The following FAM133A variants were observed in gnomAD, a reference collection of about 807,000 sequenced individuals.
FAM133A encodes protein FAM133A.
For missense variants in FAM133A, 159 were observed against 164.4 expected, an observed-to-expected ratio of 0.97 and a Z score of 0.18; for synonymous variants, 65 against 58.6, an observed-to-expected ratio of 1.11 and a Z score of -0.50.
chrX:93,678,657 T>G (rs1291363495), intron 2 of FAM133A, among the ~76,000 whole-genome samples: 2 of 112,050 alleles, frequency 1.8e-5, no homozygotes, highest in East Asian at 5.6e-4. Flanking sequence ...AAGGTATGGA[T>G]TGAAGGTTTA....
chrX:93,681,075 T>A (rs1925110196), intron 2 of FAM133A, among the ~76,000 whole-genome samples: 1 of 111,357 alleles, frequency 9.0e-6, no homozygotes, highest in Non-Finnish European at 1.9e-5. Context: ...ATTTTTTGCC[T>A]GTAGTACTCA....
At chrX:93,686,366 T>C (rs1016454613) in intron 2 of FAM133A, among the ~76,000 whole-genome samples, 6 of 111,729 alleles carry the variant, frequency 5.4e-5, no homozygotes, top group Middle Eastern at 4.6e-3. Context: ...GCCTTGGGAA[T>C]TTACTAAATT....
At chrX:93,675,026 ATTAAAG>A (rs774651274) in intron 2 of FAM133A, among the ~76,000 whole-genome samples, 3 of 112,501 alleles carry the variant, frequency 2.7e-5, no homozygotes, top group African/African-American at 9.7e-5. Flanking sequence ...GAGGAAATGT[ATTAAAG>A]TTAGATTAAT....
At chrX:93,708,851 T>A (rs765752314) in intron 3 of FAM133A, among the ~76,000 whole-genome samples, 16 of 111,727 alleles carry the variant, frequency 1.4e-4, no homozygotes, top group African/African-American at 4.5e-4. Flanking sequence ...TTTAGTAATG[T>A]ATTGGATTTG....
At chrX:93,673,988 T>TACAA (rs1924490074), upstream of FAM133A, 4 of 38,732 alleles carry the variant, frequency 1.0e-4, no homozygotes, top group Non-Finnish European at 1.7e-4. Context: ...CAAAAAGCTG[T>TACAA]AAAAAAAAAA....
intron 2 of FAM133A, among the ~76,000 whole-genome samples, chrX:93,691,651 C>T (rs1925904028): frequency 9.0e-6 from 1 of 111,694 alleles, no homozygotes; most frequent in South Asian, 3.7e-4. Context: ...ATCTTCCAAT[C>T]AATGTGTCAG....
chrX:93,683,846 T>G (rs1602794766), intron 2 of FAM133A, among the ~76,000 whole-genome samples: 1 of 111,097 alleles, frequency 9.0e-6, no homozygotes, highest in South Asian at 3.7e-4. Context: ...ATTTGCCAAT[T>G]TTTGAAATGG....
chrX:93,694,740 T>C (rs1926112175), intron 2 of FAM133A, among the ~76,000 whole-genome samples: 1 of 110,692 alleles, frequency 9.0e-6, no homozygotes, highest in African/African-American at 3.3e-5. Flanking sequence ...GATGGGTAAG[T>C]ACATCAAATT....
intron 2 of FAM133A, among the ~76,000 whole-genome samples, chrX:93,675,595 A>G (rs1924631387): frequency 9.0e-6 from 1 of 111,450 alleles, no homozygotes; most frequent in African/African-American, 3.3e-5. Context: ...TCATAAGATA[A>G]ATTCCTAGAA....
chrX:93,699,418 A>G (rs1926538204), intron 3 of FAM133A, among the ~76,000 whole-genome samples: 1 of 111,428 alleles, frequency 9.0e-6, no homozygotes, highest in African/African-American at 3.3e-5. Flanking sequence ...TCTCATAAAT[A>G]CTAAATTTAT....
rs1290082491 is a variant in FAM133A, at chrX:93,711,851, G to A, written c.*1685G>A. 8.2e-6 allele frequency: 1 copy of A among 122,630 alleles called. No individual in the cohort carries two copies. The highest frequency in any genetic ancestry group is 3.3e-5 in the African/African-American group (1 of 30,659). 10.1% of individuals were successfully genotyped at this position (122,630 alleles called of 1,213,427 possible). On this transcript the variant is annotated 3_prime_UTR_variant, in exon 4 of 4. Transcript: ENST00000683942. ...TGCTGATAAAAACTATTACATTTAT[G>A]GGATATTTTGTATCCATATAGAGTT...
At chrX:93,685,211 G>T (rs1487533225) in intron 2 of FAM133A, among the ~76,000 whole-genome samples, 1 of 111,465 alleles carries the variant, frequency 9.0e-6, no homozygotes, top group African/African-American at 3.3e-5. Flanking sequence ...GGAGAAAAAT[G>T]ACTCTTGCTT....
intron 3 of FAM133A, 54 bp downstream of exon 3, chrX:93,698,539 A>G (rs1381620343): frequency 8.9e-6 from 1 of 111,860 alleles, no homozygotes; most frequent in Non-Finnish European, 1.9e-5. Context: ...ATGCTGATCC[A>G]TGAGGTTAAA....
chrX:93,708,344 ATTTG>A (rs1927180861), intron 3 of FAM133A, among the ~76,000 whole-genome samples: 1 of 111,984 alleles, frequency 8.9e-6, no homozygotes. Flanking sequence ...AGGAGATTGG[ATTTG>A]TTTTTCATTA....
At chrX:93,703,597 C>T (rs1412862884) in intron 3 of FAM133A, among the ~76,000 whole-genome samples, 1 of 112,231 alleles carries the variant, frequency 8.9e-6, no homozygotes, top group African/African-American at 3.2e-5. Flanking sequence ...ACTTGATTGG[C>T]ATAAAAGCTA....
chrX:93,694,073 A>T (rs1286820967), intron 2 of FAM133A, among the ~76,000 whole-genome samples: 3 of 111,189 alleles, frequency 2.7e-5, no homozygotes, highest in Non-Finnish European at 5.7e-5. Flanking sequence ...CAGCACAGGG[A>T]TCATCTTGTA....
intron 2 of FAM133A, among the ~76,000 whole-genome samples, chrX:93,696,859 G>C (rs931329234): frequency 5.5e-5 from 6 of 109,487 alleles, no homozygotes; most frequent in African/African-American, 2.0e-4. Context: ...AGCGGAGCTG[G>C]CAGTGAGCCG....
intron 2 of FAM133A, among the ~76,000 whole-genome samples, chrX:93,682,924 A>G (rs1285740703): frequency 8.9e-6 from 1 of 111,970 alleles, no homozygotes; most frequent in African/African-American, 3.2e-5. Context: ...CAGCAGTACC[A>G]TTTTTACTTG....
At chrX:93,703,962 A>ATTTCCC (rs1926885164) in intron 3 of FAM133A, among the ~76,000 whole-genome samples, 1 of 111,877 alleles carries the variant, frequency 8.9e-6, no homozygotes, top group Non-Finnish European at 1.9e-5. Context: ...ACATGAGAAG[A>ATTTCCC]ACTGTTTCCA....
Sources: allele counts gnomAD v4.1 joint callset (sites outside exome capture counted in the v4.1 genomes callset), GRCh38; gene constraint gnomAD v4.1.1; transcripts MANE v1.5; gene names NCBI Gene and HGNC (gene_info 2026-07-23, HGNC 2026-07-21).